GDAP2: variants seen among roughly 807,000 people sequenced by gnomAD.
The protein encoded by GDAP2 is ganglioside induced differentiation associated protein 2.
GDAP2 carries 51 observed loss-of-function variants against 67.0 expected under a neutral mutation model. That is an observed-to-expected ratio of 0.76 (90% CI 0.61 to 0.96). GDAP2 has a LOEUF of 0.96. GDAP2 is among the 40% of genes least tolerant of loss of function. The pLI is 0.00. For missense variants in GDAP2, 547 were observed against 588.3 expected (o/e 0.93, Z 0.73); for synonymous variants, 203 against 207.3 (o/e 0.98, Z 0.18).
In GDAP2 at chr1:117,918,723, C is replaced by A. The variant is rs769507404; in HGVS notation, c.190G>T (p.Ala64Ser). The A allele has an allele frequency of 5.0e-6, 8 of 1,602,304 alleles. No individual in the cohort carries two copies. The highest frequency in any genetic ancestry group is 1.1e-5 in the South Asian group (1 of 90,172). Residue 64 changes from alanine to serine, a missense_variant, in exon 3 of 14, where the codon GCA (alanine) becomes TCA (serine). By Grantham distance (99) the Ala-to-Ser change is moderately conservative. Transcript: ENST00000369443. The part of the protein sequence containing the change: ...GKVVLWKGDV[A>S]LLNCTAIVNT... ...ACAATGGCTGTACAGTTCAGTAATG[C>A]CACATCTCCTTTCCTGAAGAAACAA...
intron 13 of GDAP2, among the ~76,000 whole-genome samples, chr1:117,874,815 G>A (rs1168042406): frequency 1.3e-5 from 2 of 152,180 alleles, no homozygotes; most frequent in Non-Finnish European, 2.9e-5. Flanking sequence ...GGGGAACTTA[G>A]GAATTAGAGC....
At chr1:117,908,795 AGCCTGGGC>A (rs1455996856) in intron 5 of GDAP2, among the ~76,000 whole-genome samples, 1 of 152,084 alleles carries the variant, frequency 6.6e-6, no homozygotes, top group Non-Finnish European at 1.5e-5. Context: ...ACTGCACTGC[AGCCTGGGC>A]GACAGTGTAT....
chr1:117,887,525 A>G (rs1037103780), intron 9 of GDAP2, among the ~76,000 whole-genome samples, 173 bp downstream of exon 9: 1 of 152,176 alleles, frequency 6.6e-6, no homozygotes, highest in Non-Finnish European at 1.5e-5. Context: ...AATGTTATAG[A>G]TTGGGATGTT....
intron 12 of GDAP2, 47 bp downstream of exon 12, chr1:117,881,776 G>C (rs113949158): frequency 1.1e-6 from 1 of 914,382 alleles, no homozygotes; most frequent in Middle Eastern, 2.1e-4. Flanking sequence ...CTCTGGGCAT[G>C]CAGTGCACAT....
intron 13 of GDAP2, among the ~76,000 whole-genome samples, chr1:117,870,896 A>C (rs572226136): frequency 3.3e-5 from 5 of 152,308 alleles, no homozygotes; most frequent in African/African-American, 1.2e-4. Flanking sequence ...CATCCCTTTA[A>C]ATCTTCACAT....
intron 8 of GDAP2, among the ~76,000 whole-genome samples, chr1:117,895,395 T>TAA (rs200755275): frequency 6.6e-6 from 1 of 150,894 alleles, no homozygotes; most frequent in East Asian, 1.9e-4. Flanking sequence ...TTTGCAAGAT[T>TAA]AAAAAAAAAC....
At chr1:117,872,640 T>G (rs1648329609) in intron 13 of GDAP2, among the ~76,000 whole-genome samples, 2 of 130,174 alleles carry the variant, frequency 1.5e-5, no homozygotes, top group South Asian at 2.2e-4. Flanking sequence ...AGCTGAACAA[T>G]GAGAACACAT....
At chr1:117,926,153 A>G (rs1006728547) in intron 1 of GDAP2, among the ~76,000 whole-genome samples, 1 of 152,176 alleles carries the variant, frequency 6.6e-6, no homozygotes, top group African/African-American at 2.4e-5. Context: ...TTGTAGCTCT[A>G]CTTCCTCTTC....
At chr1:117,884,706 T>C (rs1395656753) in intron 10 of GDAP2, among the ~76,000 whole-genome samples, 1 of 152,132 alleles carries the variant, frequency 6.6e-6, no homozygotes, top group Non-Finnish European at 1.5e-5. Flanking sequence ...GTTTTATTTG[T>C]ATTAATCACA....
intron 3 of GDAP2, 65 bp from the exon 4 acceptor site, chr1:117,912,748 A>C (rs1339600594): frequency 7.3e-7 from 1 of 1,373,048 alleles, no homozygotes; most frequent in Non-Finnish European, 1.0e-6. Context: ...AAACAAATGA[A>C]AGCATGAAAC....
At chr1:117,882,762 T>C (rs1648699853) in intron 11 of GDAP2, 1 of 152,162 alleles carries the variant, frequency 6.6e-6, no homozygotes, top group Admixed American at 6.6e-5. Context: ...ATGGGAGAAG[T>C]AGGATAGCTG....
At chr1:117,898,940 A>G in intron 7 of GDAP2, 117 bp downstream of exon 7, 1 of 721,334 alleles carries the variant, frequency 1.4e-6, no homozygotes, top group East Asian at 2.5e-5. Context: ...TCTTGATAGT[A>G]GTCATGGTAA....
intron 13 of GDAP2, chr1:117,877,716 T>C: frequency 1.8e-6 from 2 of 1,101,276 alleles, no homozygotes; most frequent in Non-Finnish European, 2.2e-6. Flanking sequence ...TAGGCAGAGG[T>C]ATCTGTTTTA....
At chr1:117,903,269 T>C (rs1014087075) in intron 6 of GDAP2, among the ~76,000 whole-genome samples, 30 of 152,142 alleles carry the variant, frequency 2.0e-4, no homozygotes, top group African/African-American at 6.3e-4. Flanking sequence ...TTTTTATCTC[T>C]TTTTCTTAGC....
rs1346480874 is a variant in GDAP2, at chr1:117,866,751, G to A, written c.*3818C>T. 1 of 151,662 alleles carries A rather than the reference G, an allele frequency of 6.6e-6. No homozygotes were observed. The highest frequency in any genetic ancestry group is 2.4e-5 in the African/African-American group (1 of 41,226). The allele number at this position is 151,662 out of a possible 1,614,324, so 9.4% of individuals were successfully genotyped here. A position where few individuals can be genotyped will look rare whatever the true frequency, so the allele number is the denominator to read the frequency against. On this transcript the variant is annotated 3_prime_UTR_variant, in exon 14 of 14. Coordinates refer to ENST00000369443, the MANE Select transcript of GDAP2 (RefSeq NM_017686.4). ...TGTCTATAATCTCACTTACTGGGGA[G>A]GCTGAGACAGGAGAATCTCTTGAAC...
At chr1:117,909,893 A>T (rs1194202797) in intron 5 of GDAP2, among the ~76,000 whole-genome samples, 1 of 152,070 alleles carries the variant, frequency 6.6e-6, no homozygotes, top group Non-Finnish European at 1.5e-5. Flanking sequence ...CCTATTCAGA[A>T]CCTTTTCTAC....
In GDAP2 at chr1:117,883,619, T is replaced by A; in HGVS notation, c.1116A>T (p.Leu372Phe). The change falls in exon 11 of 14, where the codon TTA becomes TTT. Residue 372 changes from leucine (L) to phenylalanine (F), a missense_variant. Transcript: ENST00000369443. Reference sequence around the variant, plus strand: ...TGTGATCCATTACATGAATGAAATATAAGAGAGCCTAAAAGATAAAAGGGG... The same window carrying A: ...TGTGATCCATTACATGAATGAAATAAAAGAGAGCCTAAAAGATAAAAGGGG... ...VTLIDMDKAL[L>F]YFIHVMDHIA... 1 of 1,600,348 alleles carries A rather than the reference T, an allele frequency of 6.2e-7. No homozygotes were observed. Among genetic ancestry groups the A allele is most frequent in the Non-Finnish European group, 8.6e-7 (1 of 1,168,980 alleles).
chr1:117,887,862 C>A (rs1570971669), intron 8 of GDAP2, 88 bp from the exon 9 acceptor site: 1 of 748,770 alleles, frequency 1.3e-6, no homozygotes. Flanking sequence ...CTTCCCTGAC[C>A]CTAAAAATTT....
intron 3 of GDAP2, 81 bp downstream of exon 3, chr1:117,918,516 C>A: frequency 9.6e-7 from 1 of 1,036,458 alleles, no homozygotes; most frequent in Non-Finnish European, 1.4e-6. Context: ...AAAATTTTCC[C>A]ACAAAACATG....
Sources: gnomAD v4.1 joint callset for allele counts (sites outside exome capture counted in the v4.1 genomes callset) on GRCh38, gnomAD v4.1.1 for gene constraint, MANE v1.5 for transcripts, NCBI Gene and HGNC (gene_info 2026-07-23, HGNC 2026-07-21) for gene names.